Variants in PTPRD observed in about 807,000 individuals in gnomAD.
The protein encoded by PTPRD is protein tyrosine phosphatase receptor type D, also known as receptor-type tyrosine-protein phosphatase delta.
Under a neutral mutation model 214.5 loss-of-function variants are expected in PTPRD, and 34 were observed. That is an observed-to-expected ratio of 0.16 (90% CI 0.12 to 0.21). The LOEUF is 0.21. Among genes scored for constraint, PTPRD ranks in the 10% least tolerant of loss-of-function variants. The pLI is 1.00. For synonymous variants in PTPRD, 1,128 were observed against 845.7 expected (o/e 1.33, Z -5.79); for missense variants, 2,545 against 2,398.7 (o/e 1.06, Z -1.27).
chr9:9,568,527 C>G (rs905622714), intron 8 of PTPRD, among the ~76,000 whole-genome samples: 1 of 151,820 alleles, frequency 6.6e-6, no homozygotes, highest in African/African-American at 2.4e-5. Flanking sequence ...CAGCTTTGCC[C>G]AACTAGTGAA....
At chr9:8,353,838 A>ATGTGTATATATGTATATATGTGTATATG (rs756242146) in intron 39 of PTPRD, among the ~76,000 whole-genome samples, 8,245 of 46,562 alleles carry the variant, frequency 0.18, 574 homozygotes, top group Non-Finnish European at 0.27. Context: ...ATATGTATAT[A>ATGTGTATATATGTATATATGTGTATATG]TGTATATATG....
intron 30 of PTPRD, among the ~76,000 whole-genome samples, chr9:8,473,546 T>C (rs2096701809): frequency 1.3e-5 from 2 of 152,156 alleles, no homozygotes; most frequent in African/African-American, 4.8e-5. Context: ...AGAAGAGCGC[T>C]ACACATAAAG....
chr9:8,570,896 A>C (rs1206589130), intron 14 of PTPRD, among the ~76,000 whole-genome samples: 1 of 151,892 alleles, frequency 6.6e-6, no homozygotes, highest in Non-Finnish European at 1.5e-5. Flanking sequence ...ATGGAGTTCA[A>C]GCTGAATGGG....
At chr9:10,471,773 T>A (rs1295741084) in intron 2 of PTPRD, among the ~76,000 whole-genome samples, 2 of 152,144 alleles carry the variant, frequency 1.3e-5, no homozygotes, top group African/African-American at 4.8e-5. Context: ...TTTTATATTT[T>A]AAGTTGAAGA....
chr9:8,611,651 C>T (rs889253925), intron 14 of PTPRD, among the ~76,000 whole-genome samples: 1 of 151,468 alleles, frequency 6.6e-6, no homozygotes, highest in Non-Finnish European at 1.5e-5. Flanking sequence ...GCTGCAATGA[C>T]CTGTGTGTGA....
chr9:8,494,489 C>A (rs1042439446), intron 26 of PTPRD, among the ~76,000 whole-genome samples: 1 of 152,154 alleles, frequency 6.6e-6, no homozygotes, highest in African/African-American at 2.4e-5. Context: ...AGCAGACACA[C>A]TGGCTATCCC....
intron 9 of PTPRD, among the ~76,000 whole-genome samples, chr9:9,233,452 G>A (rs964969703): frequency 4.6e-5 from 7 of 151,894 alleles, no homozygotes; most frequent in South Asian, 4.2e-4. Flanking sequence ...ATTCTGCCCC[G>A]GGCCACTCCC....
chr9:9,077,915 A>G (rs2099753565), intron 10 of PTPRD, among the ~76,000 whole-genome samples: 1 of 152,150 alleles, frequency 6.6e-6, no homozygotes, highest in Non-Finnish European at 1.5e-5. Flanking sequence ...ATATCTATTT[A>G]CATTGAAGCC....
intron 9 of PTPRD, among the ~76,000 whole-genome samples, chr9:9,290,642 G>C (rs1443316783): frequency 1.3e-5 from 2 of 151,358 alleles, no homozygotes; most frequent in African/African-American, 4.8e-5. Flanking sequence ...ACGTTAGAAA[G>C]CCAAACTCGG....
At chr9:10,461,712 T>C (rs1389416656) in intron 2 of PTPRD, among the ~76,000 whole-genome samples, 1 of 151,562 alleles carries the variant, frequency 6.6e-6, no homozygotes, top group East Asian at 2.0e-4. Context: ...AACCTCTGCG[T>C]CCTGGGTTCA....
chr9:8,616,173 C>A (rs1681730037), intron 14 of PTPRD, among the ~76,000 whole-genome samples: 1 of 152,112 alleles, frequency 6.6e-6, no homozygotes, highest in Admixed American at 6.6e-5. Context: ...TTTCTAACCA[C>A]ATGAGGCTTT....
intron 3 of PTPRD, among the ~76,000 whole-genome samples, chr9:10,166,572 C>T (rs373889915): frequency 6.6e-6 from 1 of 151,900 alleles, no homozygotes; most frequent in Admixed American, 6.6e-5. Context: ...AAGTGGCTGA[C>T]TAATGTGAAT....
intron 12 of PTPRD, among the ~76,000 whole-genome samples, chr9:8,731,900 G>A (rs189874354): frequency 1.3e-5 from 2 of 152,340 alleles, no homozygotes; most frequent in East Asian, 1.9e-4. Flanking sequence ...GTTGAAGCCT[G>A]CTTCCTCTTT....
intron 10 of PTPRD, among the ~76,000 whole-genome samples, chr9:9,157,867 C>T (rs1480098356): frequency 6.6e-6 from 1 of 152,152 alleles, no homozygotes; most frequent in Non-Finnish European, 1.5e-5. Flanking sequence ...CTGATGCTCT[C>T]CCTTGCCTGA....
intron 2 of PTPRD, among the ~76,000 whole-genome samples, chr9:10,374,986 A>G (rs1340198787): frequency 6.6e-6 from 1 of 152,196 alleles, no homozygotes; most frequent in East Asian, 1.9e-4. Flanking sequence ...AACTATGGAA[A>G]CATAGAAAAA....
intron 2 of PTPRD, among the ~76,000 whole-genome samples, chr9:10,504,752 C>T (rs72700965): frequency 0.068 from 10,408 of 152,170 alleles, 490 homozygotes; most frequent in Non-Finnish European, 0.098. Context: ...TAAAGAATTA[C>T]GTACTAAAAT....
intron 9 of PTPRD, among the ~76,000 whole-genome samples, chr9:9,315,833 C>CTTTTTTTTTTTTT (rs566821610): frequency 3.2e-5 from 3 of 93,324 alleles, no homozygotes; most frequent in East Asian, 3.1e-4. Flanking sequence ...TAGCAGACAA[C>CTTTTTTTTTTTTT]TTTTTTTTTT....
At chr9:9,952,504 T>C (rs2093548510) in intron 4 of PTPRD, among the ~76,000 whole-genome samples, 2 of 152,124 alleles carry the variant, frequency 1.3e-5, no homozygotes, top group South Asian at 4.1e-4. Context: ...AAGGCCAACA[T>C]CGTTCATTGC....
intron 2 of PTPRD, among the ~76,000 whole-genome samples, chr9:10,524,016 G>C (rs1011783685): frequency 1.3e-5 from 2 of 151,998 alleles, no homozygotes; most frequent in East Asian, 3.9e-4. Context: ...GTCAGTTTAA[G>C]CTAAGGGTGG....
Sources: gnomAD v4.1 joint callset for allele counts (sites outside exome capture counted in the v4.1 genomes callset) on GRCh38, gnomAD v4.1.1 for gene constraint, MANE v1.5 for transcripts, NCBI Gene and HGNC (gene_info 2026-07-23, HGNC 2026-07-21) for gene names.